The following MAN2C1 variants were observed in gnomAD, a reference collection of about 807,000 sequenced individuals.
The protein encoded by MAN2C1 is alpha-mannosidase 2C1.
Under a neutral mutation model 126.9 loss-of-function variants are expected in MAN2C1, and 111 were observed. The observed-to-expected ratio is 0.87, with a 90% confidence interval of 0.75 to 1.02. The LOEUF (loss-of-function observed/expected upper bound fraction) is 1.02. MAN2C1 is among the 50% of genes least tolerant of loss of function. The pLI, the probability that MAN2C1 is intolerant of heterozygous loss-of-function variation, is 0.00. For missense variants in MAN2C1, 1,363 were observed against 1,364.4 expected (o/e 1.00, Z 0.02); for synonymous variants, 567 against 561.5 (o/e 1.01, Z -0.14).
At chr15:75,363,034 G>A (rs2072506458) in intron 6 of MAN2C1, 1 of 435,490 alleles carries the variant, frequency 2.3e-6, no homozygotes, top group Non-Finnish European at 4.3e-6. Flanking sequence ...ATCCCCTAGA[G>A]GATCCTACGA....
intron 3 of MAN2C1, among the ~76,000 whole-genome samples, chr15:75,366,941 C>T (rs1045681043): frequency 6.6e-6 from 1 of 152,150 alleles, no homozygotes; most frequent in African/African-American, 2.4e-5. Flanking sequence ...GCAGGTTTGC[C>T]TCATTCCCTG....
At position 75,367,913 on chromosome 15, in the gene MAN2C1, G is replaced by A. The variant is rs2072610764; in HGVS notation, c.227+160C>T. On this transcript the variant is annotated intron_variant, in intron 2 of 25. Transcript: ENST00000267978. Reference sequence around the variant, plus strand: ...CCATCCCCTGAAGACCCAGGGACCAGAGAGCTGTTCCCAGCAGAGGGTGCT... The same window carrying A: ...CCATCCCCTGAAGACCCAGGGACCAAAGAGCTGTTCCCAGCAGAGGGTGCT... 7.5e-6 allele frequency: 8 copies of A among 1,068,348 alleles called. No individual in the cohort carries two copies. The East Asian group carries it at 1.6e-4, about 21-fold the overall frequency. 66.2% of individuals were successfully genotyped at this position (1,068,348 alleles called of 1,614,324 possible). A position where few individuals can be genotyped will look rare whatever the true frequency, so the allele number is the denominator to read the frequency against.
At chr15:75,367,155 T>G (rs935985982) in intron 3 of MAN2C1, among the ~76,000 whole-genome samples, 1 of 151,844 alleles carries the variant, frequency 6.6e-6, no homozygotes, top group African/African-American at 2.4e-5. Context: ...AATTTGTAAA[T>G]GGGTATAAAG....
At chr15:75,366,366 G>A in intron 4 of MAN2C1, 156 bp downstream of exon 4, 1 of 650,170 alleles carries the variant, frequency 1.5e-6, no homozygotes, top group Non-Finnish European at 2.7e-6. Flanking sequence ...TTTATGGTTA[G>A]GAAAAAATCA....
At chr15:75,364,995 C>T (rs1007087310) in intron 4 of MAN2C1, among the ~76,000 whole-genome samples, 2 of 152,164 alleles carry the variant, frequency 1.3e-5, no homozygotes, top group South Asian at 2.1e-4. Context: ...AAATCATGTT[C>T]GGATCTCCCA....
chr15:75,361,388 G>T lies in MAN2C1; in HGVS notation c.1219-7C>A, dbSNP rs1305375715. Reference sequence around the variant, plus strand: ...CCCAGAAAAATGTATGGTGCTACCAGCAGGGAAACAGAAGCAGGGCAGAGA... The same window carrying T: ...CCCAGAAAAATGTATGGTGCTACCATCAGGGAAACAGAAGCAGGGCAGAGA... On this transcript the variant is annotated splice_polypyrimidine_tract_variant and splice_region_variant and intron_variant, in intron 10 of 25. Transcript: ENST00000267978. This position sits in a 1 kb window ranked among gnomAD's most constrained non-coding sequence, Gnocchi z 5.0. 2 of 1,558,696 alleles carry T rather than the reference G, an allele frequency of 1.3e-6. No individual in the cohort carries two copies. Among genetic ancestry groups the T allele is most frequent in the South Asian group, 2.3e-5 (2 of 85,686 alleles).
Position 75,361,219 on chromosome 15 carries a change from G to T in MAN2C1, c.1315-28C>A, listed in dbSNP as rs1198331332. ...AGACAGGTGAGGGCAGGCCAGCATG[G>T]ATCAGCCTGGAACAAGCCAGCCCTC... On this transcript the variant is annotated intron_variant, in intron 11 of 25. Coordinates refer to ENST00000267978, the MANE Select transcript of MAN2C1 (RefSeq NM_006715.4). The surrounding 1 kb of genome is among the most constrained non-coding windows in gnomAD (Gnocchi z 5.0). The T allele has an allele frequency of 6.2e-7, 1 of 1,605,558 alleles. No individual in the cohort carries two copies. Among genetic ancestry groups the T allele is most frequent in the African/African-American group, 1.3e-5 (1 of 74,874 alleles).
Position 75,358,277 on chromosome 15 carries a change from G to A in MAN2C1, c.2471C>T (p.Ala824Val), listed in dbSNP as rs764815723. The part of the protein sequence containing the change: ...EFPARVRSSQ[A>V]TYEIQFGHLQ... ...GTGCCCAAACTGGATCTCATAGGTGGCCTGGGAACTCCGCACGCGAGCAGG... is the reference window on the plus strand; with the variant it reads ...GTGCCCAAACTGGATCTCATAGGTGACCTGGGAACTCCGCACGCGAGCAGG... The change falls in exon 21 of 26, where the codon GCC becomes GTC. Residue 824 changes from alanine to valine, a missense_variant. By Grantham distance (64) the Ala-to-Val change is moderately conservative. This residue lies in a region of MAN2C1 where 668 missense variants were observed against 650.1 expected (regional missense o/e 1.03). Transcript: ENST00000267978. 1 of 1,614,164 alleles carries A rather than the reference G, an allele frequency of 6.2e-7. No homozygotes were observed. Among genetic ancestry groups the A allele is most frequent in the Non-Finnish European group, 8.5e-7 (1 of 1,180,036 alleles).
rs1324866726 is a variant in MAN2C1 at position 75,364,575 on chromosome 15, G to T, written c.513C>A (p.Phe171Leu). 3.1e-6 allele frequency: 5 copies of T among 1,612,966 alleles called. No individual in the cohort carries two copies. Among genetic ancestry groups the T allele is most frequent in the Non-Finnish European group, 4.2e-6 (5 of 1,179,546 alleles). Residue 171 changes from phenylalanine to leucine, a missense_variant, in exon 5 of 26, where the codon TTC (phenylalanine) becomes TTA (leucine). Phe to Leu is a conservative substitution (Grantham distance 22, BLOSUM62 0). Transcript: ENST00000267978. The part of the protein sequence containing the change: ...MIAAPDPEKM[F>L]QLSRAELAVF... ...CAGCTAGCTCAGCCCGGCTCAGCTG[G>T]AACATCTTCTCAGGGTCAGGGGCTG...
intron 6 of MAN2C1, among the ~76,000 whole-genome samples, chr15:75,363,482 T>C (rs1441489593): frequency 6.6e-6 from 1 of 152,110 alleles, no homozygotes; most frequent in Non-Finnish European, 1.5e-5. Flanking sequence ...ATATCTAGCA[T>C]GGGCCCCATG....
Position 75,362,055 on chromosome 15 carries a change from T to C in MAN2C1, c.1009-108A>G. 3 of 862,066 alleles carry C rather than the reference T, an allele frequency of 3.5e-6. No homozygotes were observed. The highest frequency in any genetic ancestry group is 1.4e-5 in the South Asian group (1 of 70,106). The allele number at this position is 862,066 out of a possible 1,614,324, so 53.4% of individuals were successfully genotyped here. On this transcript the variant is annotated intron_variant, in intron 8 of 25. Transcript: ENST00000267978. The surrounding 1 kb of genome is among the most constrained non-coding windows in gnomAD (Gnocchi z 4.5). ...AGGAGAAGCCAGGGCTGCTCAAACA[T>C]GGGAGTTACAGCCAGAACTCAGGAA...
chr15:75,363,141 T>G (rs1392079460), intron 6 of MAN2C1: 3 of 455,476 alleles, frequency 6.6e-6, no homozygotes, highest in Non-Finnish European at 1.3e-5. Context: ...CTACCAGAGG[T>G]GCTACAGCCT....
At chr15:75,359,276 G>T (rs2072414962) in intron 17 of MAN2C1, 52 bp downstream of exon 17, 23 of 1,580,374 alleles carry the variant, frequency 1.5e-5, no homozygotes, top group South Asian at 1.2e-4. Flanking sequence ...ACCCTCAGTT[G>T]TAAGAAAGTA....
intron 4 of MAN2C1, 33 bp from the exon 5 acceptor site, chr15:75,364,698 G>A: frequency 1.9e-6 from 3 of 1,572,818 alleles, no homozygotes; most frequent in South Asian, 1.2e-5. Flanking sequence ...TCAGGCTAAG[G>A]GACTGGCACA....
rs1336779433 is a variant in MAN2C1, at chr15:75,358,754, G to A, written c.2196C>T (p.Val732=). 1 of 1,613,794 alleles carries A rather than the reference G, an allele frequency of 6.2e-7. No homozygotes were observed. Among genetic ancestry groups the A allele is most frequent in the Non-Finnish European group, 8.5e-7 (1 of 1,179,938 alleles). ...CGTCCCATGCATCCCAGTACAAGGG[G>A]ACATCATCAAATAGCACAAACTGGT... is the stretch of plus-strand genomic sequence containing the variant. ...VGNQFVLFDD[V]PLYWDAWDVM... is the part of the protein sequence containing the mutation. The change falls in exon 19 of 26, where the codon GTC becomes GTT. Residue 732 remains valine, a synonymous_variant. Transcript: ENST00000267978.
intron 2 of MAN2C1, 94 bp from the exon 3 acceptor site, chr15:75,367,728 A>G: frequency 6.7e-7 from 1 of 1,496,778 alleles, no homozygotes; most frequent in Non-Finnish European, 9.1e-7. Flanking sequence ...GAAACTCTCC[A>G]AGCATCTGCA....
chr15:75,363,386 T>C (rs1022398488), intron 6 of MAN2C1: 3 of 446,610 alleles, frequency 6.7e-6, no homozygotes, highest in South Asian at 4.8e-5. Context: ...AGTAAGTACC[T>C]CTCCTGTGCT....
chr15:75,358,843 C>G (rs370288534), intron 18 of MAN2C1, 35 bp from the exon 19 acceptor site: 1 of 1,544,906 alleles, frequency 6.5e-7, no homozygotes, highest in Non-Finnish European at 8.9e-7. Context: ...GTACAACCAA[C>G]TGACCTCGCT....
chr15:75,362,664 TCAGGGTTCCGCTCCATGAGCTG>T lies in MAN2C1; in HGVS notation c.853_874del (p.Gln285SerfsTer15). On this transcript the variant is annotated frameshift_variant, in exon 7 of 26. Transcript: ENST00000267978. LOFTEE classifies it high-confidence loss of function. This position sits in a 1 kb window ranked among gnomAD's most constrained non-coding sequence, Gnocchi z 4.5. Reference sequence around the variant, plus strand: ...GACCTGGGAGCAGGCAAAGATGAACTCAGGGTTCCGCTCCATGAGCTGCAGGGCGGTCACCCAGCTCCGGGCA... The same window carrying T: ...GACCTGGGAGCAGGCAAAGATGAACTCAGGGCGGTCACCCAGCTCCGGGCA... 6.2e-7 allele frequency: 1 copy of T among 1,614,066 alleles called. No homozygotes were observed. The highest frequency in any genetic ancestry group is 8.5e-7 in the Non-Finnish European group (1 of 1,179,992).
Sources: gnomAD v4.1 joint callset for allele counts (sites outside exome capture counted in the v4.1 genomes callset) on GRCh38, gnomAD v4.1.1 for gene constraint, gnomAD v4.1.1 regional missense constraint, Gnocchi (gnomAD v3.1) non-coding constraint, MANE v1.5 for transcripts, NCBI Gene and HGNC (gene_info 2026-07-23, HGNC 2026-07-21) for gene names.